Variants in NRIP1 observed in about 807,000 individuals in gnomAD.
NRIP1 encodes the protein nuclear receptor interacting protein 1.
Under a neutral mutation model 75.0 loss-of-function variants are expected in NRIP1, and 28 were observed. The observed-to-expected ratio is 0.37, with a 90% CI of 0.28 to 0.51. The LOEUF (loss-of-function observed/expected upper bound fraction) is 0.51, where lower values mean the gene tolerates loss of function less well. Among genes scored for constraint, NRIP1 ranks in the 20% least tolerant of loss-of-function variants. The probability of loss-of-function intolerance (pLI) is 0.92; values close to 1 mark genes in which losing one functional copy is unlikely to be tolerated. For missense variants in NRIP1, 1,435 were observed against 1,343.7 expected (o/e 1.07, Z -1.06); for synonymous variants, 526 against 487.6 (o/e 1.08, Z -1.04).
intron 3 of NRIP1, among the ~76,000 whole-genome samples, chr21:14,991,656 T>C (rs998538066): frequency 3.9e-5 from 6 of 152,042 alleles, no homozygotes; most frequent in Non-Finnish European, 7.4e-5. Context: ...ATTTTTGCCA[T>C]TGAGTTTTAG....
chr21:15,060,737 C>G (rs940199524), intron 1 of NRIP1, among the ~76,000 whole-genome samples: 1 of 152,114 alleles, frequency 6.6e-6, no homozygotes, highest in Non-Finnish European at 1.5e-5. Flanking sequence ...CCTCAAACAA[C>G]CACTATTTAT....
intron 1 of NRIP1, chr21:15,051,186 G>C (rs907883375): frequency 1.0e-5 from 3 of 299,280 alleles, no homozygotes; most frequent in African/African-American, 2.2e-5. Flanking sequence ...GAGAACTCAT[G>C]AGTATAATAA....
rs143359165 is a variant in NRIP1 at position 14,965,642 on chromosome 21, T to A, written c.2551A>T (p.Asn851Tyr). Residue 851 changes from asparagine (N) to tyrosine (Y), a missense_variant, in exon 4 of 4, where the codon AAT (asparagine) becomes TAT (tyrosine). Transcript: ENST00000318948. The stretch of plus-strand genomic sequence containing the variant: ...CTTTTCTTAGGGACCATGCAAAGAT[T>A]CTTTGATTCTAGAAGTGCCATTTCA... Reference protein sequence around the residue: ...NNEMALLESKNLCMVPKKRKL... With the variant: ...NNEMALLESKYLCMVPKKRKL... The A allele has an allele frequency of 8.7e-5, 140 of 1,613,250 alleles. No homozygotes were observed. The African/African-American group carries it at 1.6e-3, about 18-fold the overall frequency.
At chr21:15,061,632 G>A (rs758533442) in intron 1 of NRIP1, among the ~76,000 whole-genome samples, 4 of 152,032 alleles carry the variant, frequency 2.6e-5, no homozygotes, top group Non-Finnish European at 5.9e-5. Context: ...ACAAAAATTC[G>A]GTATTTTAAA....
Position 14,965,128 on chromosome 21 carries a change from C to G in NRIP1, c.3065G>C (p.Gly1022Ala), listed in dbSNP as rs1205823834. The G allele has an allele frequency of 6.2e-7, 1 of 1,612,786 alleles. No individual in the cohort carries two copies. The highest frequency in any genetic ancestry group is 1.1e-5 in the South Asian group (1 of 91,068). ...PTFPEHLGCA[G>A]SRPESGLLNG... ...CAAAAGCCCAGATTCTGGTCTAGAC[C>G]CTGCACAGCCCAAGTGCTCAGGGAA... The change falls in exon 4 of 4, where the codon GGG becomes GCG. Residue 1022 changes from glycine to alanine, a missense_variant. Physicochemically the swap from Gly to Ala is moderately conservative, Grantham distance 60 (BLOSUM62 0). Coordinates refer to ENST00000318948, the MANE Select transcript of NRIP1 (RefSeq NM_003489.4).
chr21:15,040,682 C>A (rs1470991353), intron 2 of NRIP1, among the ~76,000 whole-genome samples: 1 of 152,038 alleles, frequency 6.6e-6, no homozygotes, highest in East Asian at 1.9e-4. Context: ...ATCATAAGTA[C>A]ATAGAGGAGG....
Position 15,019,769 on chromosome 21 carries a change from T to C in NRIP1, c.-457-5303A>G, listed in dbSNP as rs151138943. 2.0e-3 allele frequency among the ~76,000 whole-genome samples: 301 copies of C among 152,232 alleles called. 3 individuals carry two copies. The highest frequency in any genetic ancestry group is 0.014 in the Middle Eastern group (4 of 294). Reference sequence around the variant, plus strand: ...TTCCAAAGTGCTGGGATGACAGGCATAAGCCACCACACCTGGCCATTAAAT... The same window carrying C: ...TTCCAAAGTGCTGGGATGACAGGCACAAGCCACCACACCTGGCCATTAAAT... On this transcript the variant is annotated intron_variant, in intron 2 of 3. Coordinates refer to ENST00000318948, the MANE Select transcript of NRIP1 (RefSeq NM_003489.4).
chr21:15,050,698 T>C (rs763996894), intron 1 of NRIP1: 2 of 455,792 alleles, frequency 4.4e-6, no homozygotes. Context: ...TGTTTCTTAT[T>C]TTCTGTATAT....
Position 14,965,850 on chromosome 21 carries a change from G to A in NRIP1, c.2343C>T (p.Phe781=), listed in dbSNP as rs751183366. 25 of 1,614,064 alleles carry A rather than the reference G, an allele frequency of 1.5e-5. No homozygotes were observed. Among genetic ancestry groups the A allele is most frequent in the East Asian group, 8.9e-5 (4 of 44,870 alleles). ...HLSHDAKSAP[F]LGMAPAVQRS... ...TCTGCACAGCAGGAGCCATACCCAA[G>A]AATGGGGCACTCTTAGCATCATGGC... The change falls in exon 4 of 4, where the codon TTC becomes TTT. Residue 781 remains phenylalanine (F), a synonymous_variant. Coordinates refer to ENST00000318948, the MANE Select transcript of NRIP1 (RefSeq NM_003489.4).
chr21:15,041,071 T>C (rs12627409), intron 2 of NRIP1, among the ~76,000 whole-genome samples: 24,873 of 152,040 alleles, frequency 0.16, 2,511 homozygotes, highest in Admixed American at 0.24. Context: ...GCAGCCTTAT[T>C]TGCAGACACA....
At chr21:14,992,080 C>T (rs531289524) in intron 3 of NRIP1, among the ~76,000 whole-genome samples, 19 of 152,190 alleles carry the variant, frequency 1.2e-4, no homozygotes, top group African/African-American at 4.1e-4. Context: ...CTCTGTTGCC[C>T]AGGCCTGAGT....
intron 3 of NRIP1, among the ~76,000 whole-genome samples, chr21:14,994,056 A>G (rs959511753): frequency 7.9e-5 from 12 of 152,150 alleles, no homozygotes; most frequent in African/African-American, 2.9e-4. Context: ...TAGTCACAAT[A>G]AGCGTATTGA....
chr21:15,005,825 G>A (rs2087957984), intron 3 of NRIP1, among the ~76,000 whole-genome samples: 1 of 152,108 alleles, frequency 6.6e-6, no homozygotes, highest in African/African-American at 2.4e-5. Flanking sequence ...CACAAAGAAT[G>A]GGGCAGTTAT....
At chr21:14,992,168 G>C (rs1481050474) in intron 3 of NRIP1, 5 of 152,436 alleles carry the variant, frequency 3.3e-5, no homozygotes, top group African/African-American at 1.2e-4. Flanking sequence ...CTCCGGAATA[G>C]ACGGGGACTA....
chr21:15,031,560 C>T, intron 2 of NRIP1, among the ~76,000 whole-genome samples: 1 of 144,312 alleles, frequency 6.9e-6, no homozygotes, highest in Admixed American at 6.9e-5. Context: ...CACCACATTC[C>T]CTTTCTATGT....
rs539278321 is a variant in NRIP1 at position 15,019,470 on chromosome 21, C to CTTTTT, written c.-457-5009_-457-5005dup. ...ACAAGATCCACAAACAACTGCATTT[C>CTTTTT]TTTTTTTTTTTTTTTTTTTTTTTTT... is the stretch of plus-strand genomic sequence containing the variant. On this transcript the variant is annotated intron_variant, in intron 2 of 3. Transcript: ENST00000318948. 1.8e-4 allele frequency among the ~76,000 whole-genome samples: 7 copies of CTTTTT among 38,696 alleles called. 2 individuals carry two copies. The highest frequency in any genetic ancestry group is 2.8e-4 in the Non-Finnish European group (5 of 17,904). 25.4% of individuals were successfully genotyped at this position (38,696 alleles called of 152,430 possible). A position where few individuals can be genotyped will look rare whatever the true frequency, so the allele number is the denominator to read the frequency against.
At chr21:15,040,946 C>A (rs187989066) in intron 2 of NRIP1, among the ~76,000 whole-genome samples, 2 of 152,130 alleles carry the variant, frequency 1.3e-5, no homozygotes, top group African/African-American at 4.8e-5. Context: ...ACTGTAAGTA[C>A]CTATTACTCT....
chr21:14,989,952 A>G lies in NRIP1; in HGVS notation c.-334-21426T>C, dbSNP rs193263810. 1.1e-4 allele frequency among the ~76,000 whole-genome samples: 16 copies of G among 152,222 alleles called. 1 individual carries two copies. The East Asian group carries it at 3.1e-3, about 29-fold the overall frequency. On this transcript the variant is annotated intron_variant, in intron 3 of 3. Coordinates refer to ENST00000318948, the MANE Select transcript of NRIP1 (RefSeq NM_003489.4). ...AAAATACTGGTCTTATTAATCATGA[A>G]AAAAAAAGAAACATGAAAGAGAATA...
intron 3 of NRIP1, among the ~76,000 whole-genome samples, chr21:15,011,533 C>T (rs1041657810): frequency 6.6e-6 from 1 of 152,072 alleles, no homozygotes; most frequent in Admixed American, 6.6e-5. Context: ...TATTTTATGT[C>T]TGACAGGAAA....
Sources: gnomAD v4.1 joint callset for allele counts (sites outside exome capture counted in the v4.1 genomes callset) on GRCh38, gnomAD v4.1.1 for gene constraint, MANE v1.5 for transcripts, NCBI Gene and HGNC (gene_info 2026-07-23, HGNC 2026-07-21) for gene names.